Variants in ANO6 observed in about 807,000 individuals in gnomAD.
ANO6 encodes the protein anoctamin-6.
Under a neutral mutation model 117.5 loss-of-function variants are expected in ANO6, and 106 were observed. The observed-to-expected ratio is 0.90, with a 90% CI of 0.77 to 1.06. The LOEUF (loss-of-function observed/expected upper bound fraction) is 1.06, where lower values mean the gene tolerates loss of function less well. Ranked by LOEUF, ANO6 falls within the 50% of genes least tolerant of loss-of-function variation. The pLI is 0.00. For missense variants in ANO6, 955 were observed against 1,121.1 expected (o/e 0.85, Z 2.12); for synonymous variants, 367 against 385.1 (o/e 0.95, Z 0.55).
intron 7 of ANO6, among the ~76,000 whole-genome samples, chr12:45,354,274 T>G (rs1257794069): frequency 6.6e-6 from 1 of 152,110 alleles, no homozygotes; most frequent in East Asian, 1.9e-4. Flanking sequence ...GGATCAAGAC[T>G]CAATAGCATT....
At chr12:45,268,397 G>A (rs555569573) in intron 1 of ANO6, among the ~76,000 whole-genome samples, 65 of 152,282 alleles carry the variant, frequency 4.3e-4, no homozygotes, top group Admixed American at 9.8e-4. Flanking sequence ...GTACATGCCT[G>A]TAATCCCAGC....
At chr12:45,278,368 G>GTTAC (rs1406574480) in intron 1 of ANO6, among the ~76,000 whole-genome samples, 11 of 152,160 alleles carry the variant, frequency 7.2e-5, no homozygotes, top group African/African-American at 2.7e-4. Context: ...TTCTTTGACA[G>GTTAC]TTACTTGCCT....
intron 8 of ANO6, among the ~76,000 whole-genome samples, chr12:45,364,317 A>C (rs1460327884): frequency 6.6e-6 from 1 of 152,194 alleles, no homozygotes; most frequent in Non-Finnish European, 1.5e-5. Context: ...GAATTTGTTG[A>C]GTTTCCTGGA....
In ANO6 at chr12:45,340,592, G is replaced by A. The variant is rs1185442943; in HGVS notation, c.280-6430G>A. ...ATAGACTATCAGTTTAGGTTCTTAT[G>A]TATAAGGTTTCCAGTAAGGCACATA... On this transcript the variant is annotated intron_variant, in intron 3 of 19. Coordinates refer to ENST00000320560, the MANE Select transcript of ANO6 (RefSeq NM_001025356.3). Among the ~76,000 whole-genome samples the A allele has an allele frequency of 4.6e-5, 7 of 152,232 alleles. No homozygotes were observed. The East Asian group carries it at 1.3e-3, about 29-fold the overall frequency.
chr12:45,241,533 A>C (rs1896022), intron 1 of ANO6, among the ~76,000 whole-genome samples: 150,270 of 152,312 alleles, frequency 0.99, 74,178 homozygotes, highest in Middle Eastern at 1. Flanking sequence ...TATTACCGAC[A>C]TTCTGAAGCC....
intron 19 of ANO6, among the ~76,000 whole-genome samples, chr12:45,428,146 C>T (rs1943549783): frequency 6.6e-6 from 1 of 152,096 alleles, no homozygotes. Context: ...CTCTAGGATT[C>T]AAGCACAATA....
At chr12:45,346,921 C>A in intron 3 of ANO6, 101 bp from the exon 4 acceptor site, 4 of 1,037,122 alleles carry the variant, frequency 3.9e-6, no homozygotes, top group Non-Finnish European at 6.0e-6. Context: ...TTTTTCAGGT[C>A]CACGCTAGTT....
At chr12:45,226,889 C>G (rs1289846111) in intron 1 of ANO6, among the ~76,000 whole-genome samples, 3 of 150,976 alleles carry the variant, frequency 2.0e-5, no homozygotes, top group Non-Finnish European at 4.4e-5. Flanking sequence ...GAAACAATTG[C>G]ATTGTTTCTT....
At chr12:45,274,576 G>T (rs1339073587) in intron 1 of ANO6, among the ~76,000 whole-genome samples, 3 of 151,934 alleles carry the variant, frequency 2.0e-5, no homozygotes, top group Admixed American at 2.0e-4. Flanking sequence ...TGCACCTCTT[G>T]GTCTGAGTTC....
intron 1 of ANO6, among the ~76,000 whole-genome samples, chr12:45,252,362 G>A (rs1477475582): frequency 1.3e-5 from 2 of 152,198 alleles, no homozygotes; most frequent in Non-Finnish European, 1.5e-5. Context: ...ACAGGTGGTG[G>A]CGTAAAGGGT....
chr12:45,266,535 C>G (rs892523324), intron 1 of ANO6, among the ~76,000 whole-genome samples: 1 of 152,058 alleles, frequency 6.6e-6, no homozygotes, highest in Admixed American at 6.6e-5. Flanking sequence ...TTTCCCTTTT[C>G]TTAGTTATCA....
chr12:45,221,917 T>C (rs1439199889), intron 1 of ANO6, among the ~76,000 whole-genome samples: 3 of 149,526 alleles, frequency 2.0e-5, no homozygotes, highest in Non-Finnish European at 4.4e-5. Flanking sequence ...TGTCTTGCTC[T>C]GTTGCCCAGG....
chr12:45,346,683 A>G (rs1298468850), intron 3 of ANO6, among the ~76,000 whole-genome samples: 6 of 152,208 alleles, frequency 3.9e-5, no homozygotes, highest in Non-Finnish European at 7.3e-5. Context: ...CTCAATTTGT[A>G]TGCTTTTATG....
At chr12:45,357,242 C>T (rs780164664) in intron 7 of ANO6, 48 bp from the exon 8 acceptor site, 15 of 1,591,112 alleles carry the variant, frequency 9.4e-6, no homozygotes, top group East Asian at 4.5e-5. Flanking sequence ...GATGAAGCTA[C>T]GGAGTAATTA....
At position 45,432,132 on chromosome 12, in the gene ANO6, ATAT is replaced by A; in HGVS notation, c.*2825_*2827del. ...ACACTTCTTGTACCATTTTATGTTC[ATAT>A]TATGTTTGAGAGGGTAAAAATGTAT... On this transcript the variant is annotated 3_prime_UTR_variant, in exon 20 of 20. Transcript: ENST00000320560. The A allele has an allele frequency of 6.1e-6, 6 of 985,392 alleles. No homozygotes were observed. The highest frequency in any genetic ancestry group is 7.2e-6 in the Non-Finnish European group (6 of 829,914). 61.0% of individuals were successfully genotyped at this position (985,392 alleles called of 1,614,324 possible).
intron 15 of ANO6, among the ~76,000 whole-genome samples, chr12:45,405,673 G>A (rs1303005422): frequency 4.6e-5 from 7 of 152,170 alleles, no homozygotes; most frequent in Admixed American, 4.6e-4. Context: ...ACTTTGGGAG[G>A]CCAAGGTGGT....
At chr12:45,377,360 A>G (rs1222301983) in intron 9 of ANO6, among the ~76,000 whole-genome samples, 1 of 152,210 alleles carries the variant, frequency 6.6e-6, no homozygotes, top group Non-Finnish European at 1.5e-5. Context: ...TAGCAAAAGG[A>G]TAAAACTTAG....
At chr12:45,338,385 A>C (rs1281996906) in intron 3 of ANO6, among the ~76,000 whole-genome samples, 1 of 152,062 alleles carries the variant, frequency 6.6e-6, no homozygotes, top group Non-Finnish European at 1.5e-5. Context: ...AACAGCGTGG[A>C]AAGTTTGCCT....
At chr12:45,345,084 C>T (rs1440832747) in intron 3 of ANO6, among the ~76,000 whole-genome samples, 4 of 152,144 alleles carry the variant, frequency 2.6e-5, no homozygotes, top group Admixed American at 6.5e-5. Flanking sequence ...GTTTCCTCTG[C>T]TACTCTATTG....
Sources: gnomAD v4.1 joint callset for allele counts (sites outside exome capture counted in the v4.1 genomes callset) on GRCh38, gnomAD v4.1.1 for gene constraint, MANE v1.5 for transcripts, NCBI Gene and HGNC (gene_info 2026-07-23, HGNC 2026-07-21) for gene names.